The following SNED1 variants were observed in gnomAD, a reference collection of about 807,000 sequenced individuals.
SNED1 encodes the protein sushi, nidogen and EGF-like domain-containing protein 1.
A neutral mutation model predicts 166.7 loss-of-function variants in SNED1; 81 were observed. That is an observed-to-expected ratio of 0.49 (90% confidence interval 0.41 to 0.58). The LOEUF (loss-of-function observed/expected upper bound fraction) is 0.58. SNED1 is among the 20% of genes least tolerant of loss of function. The probability of loss-of-function intolerance (pLI) is 0.00; values close to 1 mark genes in which losing one functional copy is unlikely to be tolerated. For synonymous variants in SNED1, 762 were observed against 822.0 expected, an observed-to-expected ratio of 0.93 and a Z score of 1.25; for missense variants, 1,604 against 2,000.2, an observed-to-expected ratio of 0.80 and a Z score of 3.78.
chr2:241,002,874 C>T (rs1271117413), intron 1 of SNED1, among the ~76,000 whole-genome samples: 1 of 151,982 alleles, frequency 6.6e-6, no homozygotes, highest in East Asian at 1.9e-4. Flanking sequence ...CAATGCCTCC[C>T]TCCTCTCCCT....
chr2:241,042,133 T>C (rs1404983376), intron 8 of SNED1, among the ~76,000 whole-genome samples: 2 of 152,132 alleles, frequency 1.3e-5, no homozygotes, highest in Non-Finnish European at 2.9e-5. Flanking sequence ...TACAGGATGG[T>C]GCTCCTGAGG....
intron 15 of SNED1, among the ~76,000 whole-genome samples, chr2:241,052,690 CGGGG>C (rs35560815): frequency 7.0e-3 from 7 of 998 alleles, no homozygotes; most frequent in Non-Finnish European, 0.014. Flanking sequence ...AGAGGGTCGG[CGGGG>C]GGGGGGGGGG....
chr2:241,051,880 G>C lies in SNED1; in HGVS notation c.1852+20G>C, dbSNP rs762865504. 4.6e-5 allele frequency: 70 copies of C among 1,523,524 alleles called. No homozygotes were observed. Among genetic ancestry groups the C allele is most frequent in the Middle Eastern group, 1.7e-4 (1 of 5,814 alleles). The allele number at this position is 1,523,524 out of a possible 1,614,324, so 94.4% of individuals were successfully genotyped here. On this transcript the variant is annotated intron_variant, in intron 13 of 31. Transcript: ENST00000310397. The surrounding 1 kb of genome is among the most constrained non-coding windows in gnomAD (Gnocchi z 4.7). ...AGATCGGTGCGGCCCCCAGGGGCAG[G>C]GGGGAGGGCAGGAACGACGGGCCAG...
At chr2:241,065,176 C>A in intron 20 of SNED1, 123 bp from the exon 21 acceptor site, 2 of 1,034,296 alleles carry the variant, frequency 1.9e-6, no homozygotes, top group Non-Finnish European at 2.8e-6. Flanking sequence ...CAAAGAAGGA[C>A]TCTGCCAGCG....
intron 1 of SNED1, among the ~76,000 whole-genome samples, chr2:241,029,141 G>A (rs896897136): frequency 2.0e-5 from 3 of 152,236 alleles, no homozygotes; most frequent in African/African-American, 4.8e-5. Context: ...AATAATGACA[G>A]CGCAGAGCTG....
At chr2:241,040,900 AG>A (rs771842668) in intron 8 of SNED1, 19 of 459,732 alleles carry the variant, frequency 4.1e-5, no homozygotes, top group Non-Finnish European at 7.6e-5. Context: ...GACTTGTTAG[AG>A]GAATTAAAAG....
At chr2:241,061,464 A>T (rs1334717047) in intron 16 of SNED1, among the ~76,000 whole-genome samples, 2 of 152,252 alleles carry the variant, frequency 1.3e-5, no homozygotes, top group Admixed American at 6.5e-5. Flanking sequence ...CCTGTTGAGC[A>T]ATCTGCCCAC....
At chr2:241,009,837 C>G (rs189996486) in intron 1 of SNED1, among the ~76,000 whole-genome samples, 1 of 152,086 alleles carries the variant, frequency 6.6e-6, no homozygotes, top group Non-Finnish European at 1.5e-5. Context: ...TGTGTTTCCC[C>G]GGAGGCCTAG....
chr2:241,008,584 A>G (rs1293905093), intron 1 of SNED1, among the ~76,000 whole-genome samples: 1 of 152,174 alleles, frequency 6.6e-6, no homozygotes, highest in African/African-American at 2.4e-5. Context: ...GGCAGGTGGG[A>G]CACCCCATAC....
At chr2:241,026,488 C>T (rs2060974432) in intron 1 of SNED1, among the ~76,000 whole-genome samples, 1 of 152,108 alleles carries the variant, frequency 6.6e-6, no homozygotes, top group South Asian at 2.1e-4. Context: ...CTCATCCTTT[C>T]TTCTGTATTC....
At position 241,040,069 on chromosome 2, in the gene SNED1, C is replaced by T. The variant is rs776164747; in HGVS notation, c.1046-6C>T. On this transcript the variant is annotated splice_polypyrimidine_tract_variant and splice_region_variant and intron_variant, in intron 6 of 31. Coordinates refer to ENST00000310397, the MANE Select transcript of SNED1 (RefSeq NM_001080437.3). ...CCATCGTCCTGTCTACACCTCCTCA[C>T]TCTAGCCCAATCCCCCTGTGACACC... The T allele has an allele frequency of 3.2e-6, 5 of 1,568,506 alleles. No homozygotes were observed. The South Asian group carries it at 4.7e-5, about 15-fold the overall frequency.
intron 21 of SNED1, among the ~76,000 whole-genome samples, chr2:241,067,455 G>A (rs564664598): frequency 3.9e-5 from 6 of 152,334 alleles, no homozygotes; most frequent in African/African-American, 7.2e-5. Flanking sequence ...GAGGGACTCC[G>A]GCCCATCCCC....
rs1219174107 is a variant in SNED1 at position 240,999,249 on chromosome 2, G to T, written c.213+199G>T. Among the ~76,000 whole-genome samples, 1 of 150,096 alleles carries T rather than the reference G, an allele frequency of 6.7e-6. No homozygotes were observed. Among genetic ancestry groups the T allele is most frequent in the Admixed American group, 6.6e-5 (1 of 15,098 alleles). ...CGGGAGAGGCGCGCGGGCGGGGCGGGGGCGGCAGCCGCCGGGCACCGAGGC... is the reference window on the plus strand; with the variant it reads ...CGGGAGAGGCGCGCGGGCGGGGCGGTGGCGGCAGCCGCCGGGCACCGAGGC... On this transcript the variant is annotated intron_variant, in intron 1 of 31. Coordinates refer to ENST00000310397, the MANE Select transcript of SNED1 (RefSeq NM_001080437.3). This position sits in a 1 kb window ranked among gnomAD's most constrained non-coding sequence, Gnocchi z 5.8.
At chr2:241,042,438 C>G (rs1453486099) in intron 8 of SNED1, among the ~76,000 whole-genome samples, 1 of 152,180 alleles carries the variant, frequency 6.6e-6, no homozygotes, top group Non-Finnish European at 1.5e-5. Flanking sequence ...AAATCCTATA[C>G]TCCTCAACAG....
chr2:241,041,650 A>T (rs2061524764), intron 8 of SNED1, among the ~76,000 whole-genome samples: 1 of 152,038 alleles, frequency 6.6e-6, no homozygotes, highest in Non-Finnish European at 1.5e-5. Context: ...GCACCACTGC[A>T]CTCCACCCTG....
rs903572570 is a variant in SNED1, at chr2:241,037,109, G to A, written c.932-131G>A. 3.4e-5 allele frequency: 34 copies of A among 1,005,080 alleles called. No individual in the cohort carries two copies. The Admixed American group carries it at 6.8e-4, about 20-fold the overall frequency. The allele number at this position is 1,005,080 out of a possible 1,614,324, so 62.3% of individuals were successfully genotyped here. ...CCCCTGGAGTGAGCACCATGGGCGG[G>A]TGCAGTTGCTGCCCTCTCTGAGCCA... On this transcript the variant is annotated intron_variant, in intron 5 of 31. Transcript: ENST00000310397.
At chr2:241,071,325 C>T (rs2062702750) in intron 24 of SNED1, 1 of 579,566 alleles carries the variant, frequency 1.7e-6, no homozygotes, top group Non-Finnish European at 3.1e-6. Flanking sequence ...CTCATGACTC[C>T]CAGGCCAGTG....
intron 2 of SNED1, among the ~76,000 whole-genome samples, chr2:241,032,281 C>T (rs2061200552): frequency 6.6e-6 from 1 of 151,810 alleles, no homozygotes; most frequent in Admixed American, 6.6e-5. Flanking sequence ...ACCCGGGAGG[C>T]AGAGGTTGCA....
At chr2:241,057,687 A>T (rs1398362867) in intron 16 of SNED1, among the ~76,000 whole-genome samples, 2 of 152,030 alleles carry the variant, frequency 1.3e-5, no homozygotes, top group Admixed American at 1.3e-4. Context: ...GTCTCTAAAA[A>T]ATTAAAAATT....
Sources: allele counts gnomAD v4.1 joint callset (sites outside exome capture counted in the v4.1 genomes callset), GRCh38; gene constraint gnomAD v4.1.1; non-coding constraint Gnocchi (gnomAD v3.1); transcripts MANE v1.5; gene names NCBI Gene and HGNC (gene_info 2026-07-23, HGNC 2026-07-21).